Variants in RAB3IP observed in about 807,000 individuals in gnomAD.
RAB3IP encodes RAB3A interacting protein, also known as rab-3A-interacting protein.
RAB3IP carries 36 observed loss-of-function variants against 59.1 expected under a neutral mutation model. That is an observed-to-expected ratio of 0.61 (90% CI 0.47 to 0.80). The LOEUF is 0.80. RAB3IP is among the 30% of genes least tolerant of loss of function. The pLI is 0.00. For missense variants in RAB3IP, 511 were observed against 536.0 expected, an observed-to-expected ratio of 0.95 and a Z score of 0.46; for synonymous variants, 207 against 191.2, an observed-to-expected ratio of 1.08 and a Z score of -0.68.
At chr12:69,801,377 C>T (rs528134246) in intron 7 of RAB3IP, among the ~76,000 whole-genome samples, 15 of 152,222 alleles carry the variant, frequency 9.9e-5, no homozygotes, top group African/African-American at 2.4e-4. Flanking sequence ...CTTGAATCCT[C>T]GTCCAGATAA....
chr12:69,803,833 A>C (rs1878786273), intron 8 of RAB3IP, among the ~76,000 whole-genome samples: 1 of 152,088 alleles, frequency 6.6e-6, no homozygotes, highest in South Asian at 2.1e-4. Context: ...TGAACTCATC[A>C]TTTTTTATGG....
At chr12:69,788,429 AAAAGT>A (rs762999995) in intron 4 of RAB3IP, among the ~76,000 whole-genome samples, 25 of 152,134 alleles carry the variant, frequency 1.6e-4, no homozygotes, top group African/African-American at 3.1e-4. Context: ...TAAACATAGA[AAAAGT>A]AAAGTAAAAA....
intron 10 of RAB3IP, among the ~76,000 whole-genome samples, chr12:69,813,697 TA>T (rs879740153): frequency 1.5e-4 from 22 of 147,888 alleles, no homozygotes; most frequent in Admixed American, 2.7e-4. Context: ...AATGATAGTT[TA>T]AAAAAAAAAA....
At position 69,796,576 on chromosome 12, in the gene RAB3IP, G is replaced by C. The variant is rs183507635; in HGVS notation, c.888+1232G>C. 5.6e-6 allele frequency: 3 copies of C among 533,198 alleles called. No homozygotes were observed. The Admixed American group carries it at 1.0e-4, about 18-fold the overall frequency. 33.0% of individuals were successfully genotyped at this position (533,198 alleles called of 1,614,324 possible). A position where few individuals can be genotyped will look rare whatever the true frequency, so the allele number is the denominator to read the frequency against. Reference sequence around the variant, plus strand: ...TATGGAAGCCAGGAGTTTATTAAATGGAATAACCAATGTTAACCTGTTTTA... The same window carrying C: ...TATGGAAGCCAGGAGTTTATTAAATCGAATAACCAATGTTAACCTGTTTTA... On this transcript the variant is annotated intron_variant, in intron 6 of 10. Coordinates refer to ENST00000247833, the MANE Select transcript of RAB3IP (RefSeq NM_022456.5).
At chr12:69,796,871 A>G (rs1490252689) in intron 6 of RAB3IP, among the ~76,000 whole-genome samples, 2 of 152,254 alleles carry the variant, frequency 1.3e-5, no homozygotes, top group Non-Finnish European at 2.9e-5. Context: ...TAACAAAATT[A>G]TAAGTGTCTT....
chr12:69,744,662 A>G (rs1049667696), intron 1 of RAB3IP, among the ~76,000 whole-genome samples: 11 of 149,728 alleles, frequency 7.3e-5, no homozygotes, highest in African/African-American at 2.7e-4. Context: ...ACTGCACTCC[A>G]GCCTGGGCGA....
chr12:69,745,430 G>GC lies in RAB3IP; in HGVS notation c.-26+6399_-26+6400insC, dbSNP rs1235359846. Among the ~76,000 whole-genome samples, 3 of 146,616 alleles carry GC rather than the reference G, an allele frequency of 2.0e-5. No homozygotes were observed. The South Asian group carries it at 6.5e-4, about 32-fold the overall frequency. ...TTCTGTTTATTTTGATTTATGTGCT[G>GC]TTTTTTTTTTTCCAAGTCCTGTAAG... On this transcript the variant is annotated intron_variant, in intron 1 of 10. Coordinates refer to ENST00000247833, the MANE Select transcript of RAB3IP (RefSeq NM_022456.5).
In RAB3IP at chr12:69,801,609, T is replaced by C. The variant is rs2136247919; in HGVS notation, c.1018T>C (p.Leu340=). 1.2e-6 allele frequency: 2 copies of C among 1,600,874 alleles called. No individual in the cohort carries two copies. The highest frequency in any genetic ancestry group is 3.4e-5 in the Admixed American group (2 of 58,430). ...FPCLTFSKSE[L]ASAVLEAVEN... ...CTAGTACTTTTTCTTTTTTTTTAAG[T>C]TGGCTTCAGCTGTTCTGGAGGCTGT... Residue 340 remains leucine, a splice_region_variant and synonymous_variant, in exon 8 of 11, where the codon TTG becomes CTG. Coordinates refer to ENST00000247833, the MANE Select transcript of RAB3IP (RefSeq NM_022456.5).
In RAB3IP at chr12:69,752,687, A is replaced by C. The variant is rs139852856; in HGVS notation, c.-25-2697A>C. Among the ~76,000 whole-genome samples the C allele has an allele frequency of 1.1e-3, 173 of 152,330 alleles. 1 individual carries two copies. Among genetic ancestry groups the C allele is most frequent in the African/African-American group, 4.1e-3 (169 of 41,580 alleles). On this transcript the variant is annotated intron_variant, in intron 1 of 10. Coordinates refer to ENST00000247833, the MANE Select transcript of RAB3IP (RefSeq NM_022456.5). Reference sequence around the variant, plus strand: ...CAAATGCTTTTACGTTTTATGATTCAGTGAACCTTCAGGATATAAAGAGGT... The same window carrying C: ...CAAATGCTTTTACGTTTTATGATTCCGTGAACCTTCAGGATATAAAGAGGT...
intron 3 of RAB3IP, among the ~76,000 whole-genome samples, chr12:69,765,963 A>C (rs764202882): frequency 6.6e-6 from 1 of 152,256 alleles, no homozygotes; most frequent in Non-Finnish European, 1.5e-5. Flanking sequence ...AATGCTGGAA[A>C]TAGGTCCCCA....
At chr12:69,780,527 A>C (rs1874514862) in intron 3 of RAB3IP, among the ~76,000 whole-genome samples, 1 of 152,210 alleles carries the variant, frequency 6.6e-6, no homozygotes, top group Non-Finnish European at 1.5e-5. Flanking sequence ...GTAGTGAGAG[A>C]GGCTAGAGTA....
At chr12:69,782,313 C>T (rs573635854) in intron 3 of RAB3IP, among the ~76,000 whole-genome samples, 26 of 152,252 alleles carry the variant, frequency 1.7e-4, no homozygotes, top group Non-Finnish European at 3.5e-4. Context: ...TACAGGCACG[C>T]GCCACCATGC....
intron 3 of RAB3IP, among the ~76,000 whole-genome samples, chr12:69,781,205 A>T (rs1318566382): frequency 6.6e-6 from 1 of 152,110 alleles, no homozygotes; most frequent in Admixed American, 6.5e-5. Flanking sequence ...CTCCATTTTT[A>T]AAAAATTGAC....
intron 1 of RAB3IP, among the ~76,000 whole-genome samples, chr12:69,744,437 G>T (rs1592426028): frequency 6.6e-6 from 1 of 151,986 alleles, no homozygotes; most frequent in Non-Finnish European, 1.5e-5. Flanking sequence ...AAGTGTTGTG[G>T]AATTAGGCCG....
intron 8 of RAB3IP, among the ~76,000 whole-genome samples, chr12:69,809,394 C>G (rs1475713300): frequency 6.6e-6 from 1 of 152,050 alleles, no homozygotes; most frequent in Non-Finnish European, 1.5e-5. Flanking sequence ...TTGCTCTGCT[C>G]GAGGAGTATC....
chr12:69,757,580 A>G (rs1446447239), intron 3 of RAB3IP, among the ~76,000 whole-genome samples: 2 of 152,222 alleles, frequency 1.3e-5, no homozygotes, highest in African/African-American at 4.8e-5. Context: ...TGAAATACCA[A>G]TTCACATGTA....
chr12:69,741,885 T>G (rs916586171), intron 1 of RAB3IP, among the ~76,000 whole-genome samples: 2 of 152,224 alleles, frequency 1.3e-5, no homozygotes, highest in African/African-American at 4.8e-5. Flanking sequence ...AACTTTGTAA[T>G]TTAGCTTTTA....
intron 8 of RAB3IP, among the ~76,000 whole-genome samples, chr12:69,802,937 A>T (rs1360909925): frequency 6.6e-6 from 1 of 152,232 alleles, no homozygotes; most frequent in African/African-American, 2.4e-5. Context: ...AAGAATTTAC[A>T]TTCTTAAATT....
intron 8 of RAB3IP, 32 bp downstream of exon 8, chr12:69,801,753 G>A: frequency 1.5e-6 from 2 of 1,352,192 alleles, no homozygotes; most frequent in Non-Finnish European, 1.1e-6. Flanking sequence ...CTGTGAAAGT[G>A]ACTGAGTTTT....
Sources: gnomAD v4.1 joint callset for allele counts (sites outside exome capture counted in the v4.1 genomes callset) on GRCh38, gnomAD v4.1.1 for gene constraint, MANE v1.5 for transcripts, NCBI Gene and HGNC (gene_info 2026-07-23, HGNC 2026-07-21) for gene names.